The following NAV3 variants were observed in gnomAD, a reference collection of about 807,000 sequenced individuals.
The protein encoded by NAV3 is pore membrane and/or filament interacting like protein 1.
Under a neutral mutation model 244.7 loss-of-function variants are expected in NAV3, and 87 were observed. The observed-to-expected ratio is 0.36, with a 90% CI of 0.30 to 0.42. NAV3 has a LOEUF of 0.42. Among genes scored for constraint, NAV3 ranks in the 20% least tolerant of loss-of-function variants. The pLI is 1.00. For synonymous variants in NAV3, 1,126 were observed against 1,042.2 expected (o/e 1.08, Z -1.55); for missense variants, 2,663 against 2,893.3 (o/e 0.92, Z 1.83).
chr12:78,200,569 A>G lies in NAV3; in HGVS notation c.6812A>G (p.Glu2271Gly). 1 of 1,572,596 alleles carries G rather than the reference A, an allele frequency of 6.4e-7. No homozygotes were observed. Among genetic ancestry groups the G allele is most frequent in the South Asian group, 1.2e-5 (1 of 83,472 alleles). ...WNYSLVPYIL[E>G]AVREGLQMYG... ...TATTCTTTAGTACCTTATATTCTGGAGGCAGTGAGAGAGGGTCTTCAGGTA... is the reference window on the plus strand; with the variant it reads ...TATTCTTTAGTACCTTATATTCTGGGGGCAGTGAGAGAGGGTCTTCAGGTA... Residue 2271 changes from glutamate (E) to glycine (G), a missense_variant, in exon 38 of 40, where the codon GAG becomes GGG. Around this residue, in one of 6 missense-constraint regions of NAV3, gnomAD observed 543 missense variants for 672.4 expected, o/e 0.81. Transcript: ENST00000397909.
intron 1 of NAV3, among the ~76,000 whole-genome samples, chr12:77,897,241 T>C (rs1884731757): frequency 6.6e-6 from 1 of 152,220 alleles, no homozygotes; most frequent in South Asian, 2.1e-4. Context: ...CTGTTGACTA[T>C]ATCGTGAATA....
chr12:78,020,179 G>A (rs1285328499), intron 8 of NAV3, among the ~76,000 whole-genome samples: 1 of 151,988 alleles, frequency 6.6e-6, no homozygotes, highest in Non-Finnish European at 1.5e-5. Flanking sequence ...TTATGTAGAG[G>A]AAAACAATAG....
At chr12:77,854,488 A>G (rs115394848) in intron 1 of NAV3, among the ~76,000 whole-genome samples, 515 of 152,320 alleles carry the variant, frequency 3.4e-3, no homozygotes, top group African/African-American at 0.012. Flanking sequence ...AGAACATTTT[A>G]TGATATAGGA....
chr12:77,774,792 A>G (rs1870267286), intron 2 of NAV3, among the ~76,000 whole-genome samples: 3 of 152,200 alleles, frequency 2.0e-5, no homozygotes, highest in Admixed American at 2.0e-4. Flanking sequence ...TACCCAAAAC[A>G]TGTTATTCTA....
intron 2 of NAV3, among the ~76,000 whole-genome samples, chr12:77,586,015 A>G (rs1211528158): frequency 6.6e-6 from 1 of 152,106 alleles, no homozygotes; most frequent in African/African-American, 2.4e-5. Flanking sequence ...ACAAAAAATT[A>G]GCCGGGCGTG....
intron 9 of NAV3, chr12:78,037,144 G>T (rs1346486511): frequency 4.3e-6 from 3 of 703,010 alleles, no homozygotes; most frequent in Middle Eastern, 2.3e-4. Context: ...CCTGCTGGGG[G>T]CAGCCAGTCA....
intron 2 of NAV3, among the ~76,000 whole-genome samples, chr12:77,611,722 C>T (rs1463616225): frequency 8.6e-5 from 13 of 151,784 alleles, no homozygotes; most frequent in African/African-American, 2.4e-4. Flanking sequence ...ATTTTAAAAG[C>T]GCATACTTTA....
chr12:77,742,837 C>T (rs1466689252), intron 2 of NAV3, among the ~76,000 whole-genome samples: 1 of 151,874 alleles, frequency 6.6e-6, no homozygotes, highest in Non-Finnish European at 1.5e-5. Context: ...CATCACGTGA[C>T]CCTGAGCCAT....
At chr12:77,909,413 A>G (rs756080140) in intron 1 of NAV3, among the ~76,000 whole-genome samples, 1 of 151,782 alleles carries the variant, frequency 6.6e-6, no homozygotes, top group South Asian at 2.1e-4. Flanking sequence ...GAAGCATAAG[A>G]AATACCAACT....
intron 2 of NAV3, among the ~76,000 whole-genome samples, chr12:77,815,929 C>T (rs894019540): frequency 6.6e-6 from 1 of 151,760 alleles, no homozygotes; most frequent in Non-Finnish European, 1.5e-5. Flanking sequence ...TGAGTATGCA[C>T]CAGAGGAGGG....
At chr12:78,118,802 C>CT (rs909064871) in intron 14 of NAV3, among the ~76,000 whole-genome samples, 2 of 152,026 alleles carry the variant, frequency 1.3e-5, no homozygotes, top group African/African-American at 4.8e-5. Context: ...TTGTGCCATA[C>CT]TTTTTTTAAA....
intron 12 of NAV3, among the ~76,000 whole-genome samples, chr12:78,096,970 G>A (rs1309777399): frequency 6.6e-6 from 1 of 152,184 alleles, no homozygotes; most frequent in African/African-American, 2.4e-5. Context: ...CACCTGAGGT[G>A]AGAGATGGTC....
chr12:77,713,767 A>G (rs1374819404), intron 2 of NAV3, among the ~76,000 whole-genome samples: 1 of 152,180 alleles, frequency 6.6e-6, no homozygotes, highest in Admixed American at 6.5e-5. Flanking sequence ...ACAAATGTGT[A>G]TAATATCTAG....
At chr12:77,588,097 G>T (rs1869700183) in intron 2 of NAV3, among the ~76,000 whole-genome samples, 2 of 152,074 alleles carry the variant, frequency 1.3e-5, no homozygotes, top group Non-Finnish European at 2.9e-5. Context: ...AGAAAAGATA[G>T]CCATAATGTC....
intron 9 of NAV3, among the ~76,000 whole-genome samples, chr12:78,047,201 G>A (rs1336980101): frequency 6.6e-6 from 1 of 152,156 alleles, no homozygotes; most frequent in East Asian, 1.9e-4. Flanking sequence ...CTTTAAGAAT[G>A]TTGAGGCCAG....
chr12:78,003,846 G>C (rs1046101974), intron 7 of NAV3, among the ~76,000 whole-genome samples: 3 of 152,180 alleles, frequency 2.0e-5, no homozygotes, highest in African/African-American at 7.2e-5. Flanking sequence ...TCAACTCAGA[G>C]GAACAGGTGC....
intron 12 of NAV3, among the ~76,000 whole-genome samples, chr12:78,113,742 G>A (rs79943613): frequency 6.6e-6 from 1 of 152,260 alleles, no homozygotes; most frequent in Non-Finnish European, 1.5e-5. Flanking sequence ...TTTCCCTATT[G>A]TCTTATTAAG....
chr12:77,671,488 G>A lies in NAV3; in HGVS notation c.72+99222G>A, dbSNP rs149264218. Among the ~76,000 whole-genome samples, 975 of 152,104 alleles carry A rather than the reference G, an allele frequency of 6.4e-3. 5 individuals are homozygous for A. Among genetic ancestry groups the A allele is most frequent in the Non-Finnish European group, 0.01 (711 of 67,964 alleles). ...CTAAGCAAAAATAATAAATCTGGAG[G>A]CATCATATTACCTGACTTCAAACTA... On this transcript the variant is annotated intron_variant, in intron 2 of 8. Coordinates refer to the NAV3 transcript ENST00000550042.
intron 2 of NAV3, among the ~76,000 whole-genome samples, chr12:77,605,526 G>T (rs886252556): frequency 6.6e-6 from 1 of 152,092 alleles, no homozygotes; most frequent in African/African-American, 2.4e-5. Flanking sequence ...ATGTGTGTTG[G>T]AACTTCTTTA....
Sources: gnomAD v4.1 joint callset for allele counts (sites outside exome capture counted in the v4.1 genomes callset) on GRCh38, gnomAD v4.1.1 for gene constraint, gnomAD v4.1.1 regional missense constraint, MANE v1.5 for transcripts, NCBI Gene and HGNC (gene_info 2026-07-23, HGNC 2026-07-21) for gene names.